Variants in NFASC observed in about 807,000 individuals in gnomAD.
NFASC encodes the protein neurofascin homolog.
In NFASC, 43 loss-of-function variants were observed where a neutral mutation model predicts 147.5. The ratio of observed to expected loss-of-function variants is 0.29; its 90% confidence interval spans 0.23 to 0.38. NFASC has a LOEUF of 0.38. Ranked by LOEUF, NFASC falls within the 10% of genes least tolerant of loss-of-function variation. The pLI is 1.00. For missense variants in NFASC, 1,320 were observed against 1,689.0 expected, an observed-to-expected ratio of 0.78 and a Z score of 3.83; for synonymous variants, 622 against 665.5, an observed-to-expected ratio of 0.93 and a Z score of 1.01.
intron 21 of NFASC, chr1:204,984,211 G>A (rs1478931362): frequency 4.0e-6 from 4 of 993,554 alleles, no homozygotes; most frequent in Admixed American, 1.8e-5. Flanking sequence ...TAGCAAATGC[G>A]GGCTATAAGA....
At chr1:204,974,112 A>G (rs1202650438) in intron 12 of NFASC, 67 bp from the exon 13 acceptor site, 20 of 1,310,206 alleles carry the variant, frequency 1.5e-5, no homozygotes, top group Non-Finnish European at 2.2e-5. Context: ...TGCAGAGGTG[A>G]GACCGAGGGG....
Position 204,930,037 on chromosome 1 carries a change from T to C in NFASC, c.-91+9297T>C, listed in dbSNP as rs1343071429. ...GCGGACGGTGGCCCTCAGTCATGCC[T>C]AGCCGATCCCTGGGCTGAAGGCAGA... On this transcript the variant is annotated intron_variant, in intron 2 of 29. Transcript: ENST00000339876. Among the ~76,000 whole-genome samples the C allele has an allele frequency of 2.0e-5, 3 of 152,286 alleles. No individual in the cohort carries two copies. In the East Asian group the frequency reaches 5.8e-4, roughly 29 times the overall value.
Position 204,968,109 on chromosome 1 carries a change from G to T in NFASC, c.707-140G>T. 1.5e-6 allele frequency: 1 copy of T among 649,572 alleles called. No homozygotes were observed. The highest frequency in any genetic ancestry group is 2.8e-6 in the Non-Finnish European group (1 of 357,678). The allele number at this position is 649,572 out of a possible 1,614,324, so 40.2% of individuals were successfully genotyped here. A position where few individuals can be genotyped will look rare whatever the true frequency, so the allele number is the denominator to read the frequency against. ...TTCCTAACACACCTCACTTAATGAT[G>T]CCCAAGTCCTTGGGATGGTTTCAGC... On this transcript the variant is annotated intron_variant, in intron 8 of 29. Coordinates refer to ENST00000339876, the MANE Select transcript of NFASC (RefSeq NM_001005388.3). The surrounding 1 kb of genome is among the most constrained non-coding windows in gnomAD (Gnocchi z 5.4).
intron 12 of NFASC, among the ~76,000 whole-genome samples, chr1:204,973,641 CT>C (rs2095323090): frequency 6.6e-6 from 1 of 152,098 alleles, no homozygotes; most frequent in Non-Finnish European, 1.5e-5. Flanking sequence ...CTGGATCAAC[CT>C]CCTCATTGTA....
intron 8 of NFASC, among the ~76,000 whole-genome samples, chr1:204,962,349 G>A (rs1307885842): frequency 6.6e-6 from 1 of 152,194 alleles, no homozygotes; most frequent in East Asian, 1.9e-4. Flanking sequence ...TGGTGGTGTG[G>A]TCTCCTCTAA....
intron 28 of NFASC, 93 bp downstream of exon 28, chr1:205,009,781 C>A (rs2096215895): frequency 1.5e-6 from 2 of 1,357,654 alleles, no homozygotes; most frequent in Non-Finnish European, 2.0e-6. Flanking sequence ...GGAATGTGTT[C>A]TCTCAGTGAA....
At chr1:204,837,367 C>T (rs1674064498) in intron 1 of NFASC, among the ~76,000 whole-genome samples, 1 of 152,176 alleles carries the variant, frequency 6.6e-6, no homozygotes, top group Non-Finnish European at 1.5e-5. Context: ...AAGAGGGAAA[C>T]AGCTAGTGTG....
chr1:204,988,828 C>G (rs1011308499), intron 23 of NFASC, 22 bp downstream of exon 23: 17 of 1,612,100 alleles, frequency 1.1e-5, no homozygotes, highest in Admixed American at 1.7e-5. Flanking sequence ...GCAGCAGCCC[C>G]TGGGGTAAAA....
Position 204,979,576 on chromosome 1 carries a change from T to C in NFASC, c.2176+17T>C. ...GTGGAGCACGTGAGTACCCGAGGGC[T>C]GCCAGAGAAGGCTCCGGAACCCCGC... On this transcript the variant is annotated intron_variant, in intron 19 of 29. Coordinates refer to ENST00000339876, the MANE Select transcript of NFASC (RefSeq NM_001005388.3). The surrounding 1 kb of genome is among the most constrained non-coding windows in gnomAD (Gnocchi z 6.0). 6.2e-7 allele frequency: 1 copy of C among 1,612,136 alleles called. No individual in the cohort carries two copies. The highest frequency in any genetic ancestry group is 1.1e-5 in the South Asian group (1 of 91,054).
rs1573950024 is a variant in NFASC, at chr1:204,971,626, G to T, written c.1135+879G>T. Among the ~76,000 whole-genome samples, 4 of 152,246 alleles carry T rather than the reference G, an allele frequency of 2.6e-5. 1 individual carries two copies. Among genetic ancestry groups the T allele is most frequent in the East Asian group, 3.9e-4 (2 of 5,172 alleles). On this transcript the variant is annotated intron_variant, in intron 11 of 29. Coordinates refer to ENST00000339876, the MANE Select transcript of NFASC (RefSeq NM_001005388.3). ...TCTGTGCTAGATGCTGCACTCCATTGTTGCTTTACTTTCAAACATTTAAGG... is the reference window on the plus strand; with the variant it reads ...TCTGTGCTAGATGCTGCACTCCATTTTTGCTTTACTTTCAAACATTTAAGG...
chr1:204,984,208 T>C, intron 21 of NFASC: 2 of 1,028,332 alleles, frequency 1.9e-6, no homozygotes, highest in South Asian at 2.5e-5. Flanking sequence ...GGGTAGCAAA[T>C]GCGGGCTATA....
At chr1:204,846,959 G>GTGTC (rs1277993494) in intron 1 of NFASC, among the ~76,000 whole-genome samples, 1 of 151,678 alleles carries the variant, frequency 6.6e-6, no homozygotes, top group African/African-American at 2.4e-5. Flanking sequence ...ACGCGTGTGT[G>GTGTC]TGTGTGTGTG....
intron 16 of NFASC, chr1:204,977,175 A>G: frequency 9.6e-7 from 1 of 1,044,586 alleles, no homozygotes; most frequent in Non-Finnish European, 1.2e-6. Flanking sequence ...GCTTCCAATG[A>G]CCTCTGCCAG....
intron 1 of NFASC, among the ~76,000 whole-genome samples, chr1:204,842,011 TC>T (rs1490054450): frequency 4.6e-5 from 7 of 152,206 alleles, no homozygotes; most frequent in Non-Finnish European, 1.0e-4. Context: ...GGAGCCCCAG[TC>T]CAGGTGCTTA....
At chr1:204,921,878 T>C (rs1292524759) in intron 2 of NFASC, among the ~76,000 whole-genome samples, 1 of 152,146 alleles carries the variant, frequency 6.6e-6, no homozygotes, top group Non-Finnish European at 1.5e-5. Context: ...GTGTGGGCCC[T>C]TTAGGGCCAC....
At chr1:204,971,679 A>T (rs1310122835) in intron 11 of NFASC, among the ~76,000 whole-genome samples, 2 of 152,192 alleles carry the variant, frequency 1.3e-5, no homozygotes. Context: ...CCTCAGTGCA[A>T]TGAGTTGCCC....
chr1:204,930,800 T>C (rs1036806337), intron 2 of NFASC, among the ~76,000 whole-genome samples: 37 of 152,268 alleles, frequency 2.4e-4, no homozygotes, highest in African/African-American at 8.9e-4. Flanking sequence ...GTCAGCAAAG[T>C]GGGAGCAGAG....
chr1:205,014,620 C>T (rs1172957895), intron 29 of NFASC, among the ~76,000 whole-genome samples: 1 of 152,180 alleles, frequency 6.6e-6, no homozygotes, highest in East Asian at 1.9e-4. Flanking sequence ...TTCTTTCAAG[C>T]TTCCCTTAGG....
chr1:204,856,417 G>A (rs938668915), intron 1 of NFASC, among the ~76,000 whole-genome samples: 4 of 151,624 alleles, frequency 2.6e-5, no homozygotes, highest in African/African-American at 9.7e-5. Context: ...GTGTGTGTGT[G>A]TGATTGTGTG....
Sources: allele counts gnomAD v4.1 joint callset (sites outside exome capture counted in the v4.1 genomes callset), GRCh38; gene constraint gnomAD v4.1.1; non-coding constraint Gnocchi (gnomAD v3.1); transcripts MANE v1.5; gene names NCBI Gene and HGNC (gene_info 2026-07-23, HGNC 2026-07-21).